The following SLC22A15 variants were observed in gnomAD, a reference collection of about 807,000 sequenced individuals.
SLC22A15 encodes the protein flipt 1.
A neutral mutation model predicts 62.7 loss-of-function variants in SLC22A15; 45 were observed. That is an observed-to-expected ratio of 0.72 (90% CI 0.56 to 0.92). The LOEUF is 0.92. Ranked by LOEUF, SLC22A15 falls within the 40% of genes least tolerant of loss-of-function variation. The probability of loss-of-function intolerance (pLI) is 0.00; values close to 1 mark genes in which losing one functional copy is unlikely to be tolerated. For missense variants in SLC22A15, 622 were observed against 665.6 expected (o/e 0.93, Z 0.72); for synonymous variants, 264 against 267.0 (o/e 0.99, Z 0.11).
At chr1:115,991,189 A>T (rs1035526134) in intron 1 of SLC22A15, among the ~76,000 whole-genome samples, 1 of 152,242 alleles carries the variant, frequency 6.6e-6, no homozygotes, top group African/African-American at 2.4e-5. Flanking sequence ...AATACTAAAA[A>T]TCCATAGCAC....
intron 8 of SLC22A15, among the ~76,000 whole-genome samples, chr1:116,051,978 C>T (rs964779100): frequency 3.4e-4 from 51 of 152,222 alleles, no homozygotes; most frequent in Admixed American, 2.6e-4. Context: ...GTGAGCGACG[C>T]AGAAGATGGG....
chr1:115,976,792 C>A (rs552925179), intron 1 of SLC22A15, 78 bp downstream of exon 1: 24 of 1,168,602 alleles, frequency 2.1e-5, no homozygotes, highest in East Asian at 1.7e-4. Context: ...GCTCCCAGAC[C>A]GCCGGGGCCG....
In SLC22A15 at chr1:116,027,356, T is replaced by G. The variant is rs141948147; in HGVS notation, c.728+334T>G. The G allele has an allele frequency of 1.9e-4, 102 of 526,616 alleles. 1 individual carries two copies. The East Asian group carries it at 5.2e-3, about 27-fold the overall frequency. 32.6% of individuals were successfully genotyped at this position (526,616 alleles called of 1,614,324 possible). On this transcript the variant is annotated intron_variant, in intron 5 of 11. Coordinates refer to ENST00000369503, the MANE Select transcript of SLC22A15 (RefSeq NM_018420.3). ...TGGATCACATTATGTGCTAGGTGTG[T>G]GACTGAGGTATGATTTTGTAGAACA...
intron 1 of SLC22A15, among the ~76,000 whole-genome samples, chr1:115,985,999 G>A (rs1026424132): frequency 1.0e-4 from 15 of 149,656 alleles, no homozygotes; most frequent in Non-Finnish European, 1.9e-4. Context: ...ACTTTGTTCA[G>A]AATTTTTTTT....
intron 2 of SLC22A15, among the ~76,000 whole-genome samples, chr1:115,998,859 A>T (rs1655563978): frequency 6.6e-6 from 1 of 151,826 alleles, no homozygotes; most frequent in Non-Finnish European, 1.5e-5. Flanking sequence ...TAATTCTTTA[A>T]TCTGCATCAT....
intron 8 of SLC22A15, among the ~76,000 whole-genome samples, chr1:116,040,872 C>G (rs1657760787): frequency 6.6e-6 from 1 of 152,320 alleles, no homozygotes; most frequent in African/African-American, 2.4e-5. Context: ...TCCCAAAGTG[C>G]TGGGATTATA....
chr1:116,036,740 G>C (rs1657640129), intron 7 of SLC22A15, among the ~76,000 whole-genome samples: 1 of 152,120 alleles, frequency 6.6e-6, no homozygotes, highest in Non-Finnish European at 1.5e-5. Context: ...GCTTTTATTT[G>C]AAAATTGCTT....
intron 4 of SLC22A15, among the ~76,000 whole-genome samples, chr1:116,025,384 C>A (rs79773215): frequency 0.017 from 2,610 of 152,278 alleles, 34 homozygotes; most frequent in Middle Eastern, 0.071. Flanking sequence ...CTCACACTGT[C>A]CTCATCCCAC....
chr1:116,057,233 A>G (rs1658233222), intron 8 of SLC22A15, among the ~76,000 whole-genome samples: 1 of 152,040 alleles, frequency 6.6e-6, no homozygotes, highest in African/African-American at 2.4e-5. Flanking sequence ...AACCCCATCA[A>G]AAAGTGGGCA....
intron 11 of SLC22A15, 74 bp from the exon 12 acceptor site, chr1:116,066,945 T>G: frequency 8.4e-7 from 1 of 1,193,410 alleles, no homozygotes. Context: ...GTCAGTTGAA[T>G]AGCTAGATGG....
chr1:116,041,348 A>T (rs566693626), intron 8 of SLC22A15, among the ~76,000 whole-genome samples: 9 of 152,360 alleles, frequency 5.9e-5, no homozygotes, highest in Non-Finnish European at 8.8e-5. Context: ...AAATAATAAT[A>T]AAAATCAGTA....
intron 2 of SLC22A15, among the ~76,000 whole-genome samples, chr1:116,007,170 G>A (rs1397217467): frequency 2.0e-5 from 3 of 152,150 alleles, no homozygotes; most frequent in African/African-American, 7.2e-5. Flanking sequence ...CAAATTACCT[G>A]TGCAAATAGT....
At chr1:116,058,735 G>A (rs769517154) in intron 8 of SLC22A15, among the ~76,000 whole-genome samples, 2 of 152,264 alleles carry the variant, frequency 1.3e-5, no homozygotes, top group African/African-American at 2.4e-5. Context: ...ATCAGTTAAC[G>A]AGTGGATAAA....
intron 8 of SLC22A15, among the ~76,000 whole-genome samples, chr1:116,059,011 T>G (rs1279943117): frequency 1.3e-5 from 2 of 152,182 alleles, no homozygotes; most frequent in African/African-American, 2.4e-5. Context: ...CACTGTATAC[T>G]GCTCGGGTGA....
At chr1:116,023,075 G>A (rs1656919766) in intron 4 of SLC22A15, among the ~76,000 whole-genome samples, 1 of 152,166 alleles carries the variant, frequency 6.6e-6, no homozygotes, top group Admixed American at 6.5e-5. Flanking sequence ...TAAATGTTCA[G>A]CAATAGGGGA....
In SLC22A15 at chr1:116,031,589, T is replaced by C. The variant is rs963649215; in HGVS notation, c.944+8T>C. 6.8e-6 allele frequency: 11 copies of C among 1,612,712 alleles called. No individual in the cohort carries two copies. The highest frequency in any genetic ancestry group is 8.5e-6 in the Non-Finnish European group (10 of 1,179,124). ...GATCCTGATGTTCATCTGGTAATTA[T>C]ACTAAGGCGTGTTCTGTTGCTCTTT... On this transcript the variant is annotated splice_region_variant and intron_variant, in intron 6 of 11. Coordinates refer to ENST00000369503, the MANE Select transcript of SLC22A15 (RefSeq NM_018420.3).
chr1:116,037,387 A>G lies in SLC22A15; in HGVS notation c.1170A>G (p.Lys390=). 6.2e-7 allele frequency: 1 copy of G among 1,610,738 alleles called. No homozygotes were observed. The highest frequency in any genetic ancestry group is 1.1e-5 in the South Asian group (1 of 91,008). Residue 390 remains lysine (K), a splice_region_variant and synonymous_variant, in exon 8 of 12, where the codon AAA becomes AAG. Transcript: ENST00000369503. ...CLIVMFLPEK[K]DTGVFAVVNS... is the part of the protein sequence containing the mutation. ...TTGTAATGTTTCTTCCAGAAAAGAA[A>G]GGTATGCCTTTCAAATTTCTACAAG...
chr1:115,986,442 G>T (rs74849392), intron 1 of SLC22A15, among the ~76,000 whole-genome samples: 7 of 152,008 alleles, frequency 4.6e-5, no homozygotes, highest in Admixed American at 4.6e-4. Flanking sequence ...TATTTCCCCC[G>T]TAAATAATAC....
rs1252492649 is a variant in SLC22A15 at position 116,066,576 on chromosome 1, C to T, written c.1422C>T (p.Ser474=). ...TCTTCGGAGCCACGGGTCTGACCTC[C>T]GGCCTCCTGAGTTTGTTATTGCCGG... ...FIVFGATGLT[S]GLLSLLLPET... is the part of the protein sequence containing the mutation. Residue 474 remains serine, a synonymous_variant, in exon 11 of 12, where the codon TCC becomes TCT. Transcript: ENST00000369503. 25 of 1,607,154 alleles carry T rather than the reference C, an allele frequency of 1.6e-5. No individual in the cohort carries two copies. The highest frequency in any genetic ancestry group is 1.6e-4 in the Middle Eastern group (1 of 6,072).
Sources: allele counts gnomAD v4.1 joint callset (sites outside exome capture counted in the v4.1 genomes callset), GRCh38; gene constraint gnomAD v4.1.1; transcripts MANE v1.5; gene names NCBI Gene and HGNC (gene_info 2026-07-23, HGNC 2026-07-21).